The following C3orf18 variants were observed in gnomAD, a reference collection of about 807,000 sequenced individuals.
C3orf18 encodes uncharacterized protein C3orf18.
C3orf18 carries 12 observed loss-of-function variants against 14.1 expected under a neutral mutation model. The observed-to-expected ratio is 0.85, with a 90% CI of 0.55 to 1.38. The LOEUF is 1.38. Among genes scored for constraint, C3orf18 ranks in the 40% most tolerant of loss-of-function variants. The pLI is 0.00. For synonymous variants in C3orf18, 82 were observed against 87.9 expected, an observed-to-expected ratio of 0.93 and a Z score of 0.38; for missense variants, 196 against 213.9, an observed-to-expected ratio of 0.92 and a Z score of 0.52.
In C3orf18 at chr3:50,558,470, A is replaced by G. The variant is rs1699782892; in HGVS notation, c.*1187T>C. On this transcript the variant is annotated 3_prime_UTR_variant, in exon 6 of 6. Transcript: ENST00000357203. ...GCCAAGTGCAGGGACCCATCTCCCC[A>G]CTCTCTAAACACTGAACGGCTCTTC... is the stretch of plus-strand genomic sequence containing the variant. The G allele has an allele frequency of 5.8e-6, 2 of 342,798 alleles. No individual in the cohort carries two copies. The highest frequency in any genetic ancestry group is 1.1e-5 in the Non-Finnish European group (2 of 176,802). 21.2% of individuals were successfully genotyped at this position (342,798 alleles called of 1,614,324 possible).
At chr3:50,572,928 G>A (rs889928700), upstream of C3orf18, among the ~76,000 whole-genome samples, 4 of 152,146 alleles carry the variant, frequency 2.6e-5, no homozygotes, top group Non-Finnish European at 4.4e-5. Flanking sequence ...GTGAGAGCTG[G>A]TGGGCAAGCC....
At chr3:50,561,095 A>G (rs1699938527) in intron 4 of C3orf18, 31 bp from the exon 5 acceptor site, 1 of 1,604,034 alleles carries the variant, frequency 6.2e-7, no homozygotes. Context: ...TGCTGGGGAC[A>G]GGGCAGGCCC....
chr3:50,558,589 A>G lies in C3orf18; in HGVS notation c.*1068T>C, dbSNP rs1484493638. ...ATCCCTCACCCACTTTCAGGCAGTCATAACTGCCCCCTCTAGCCTGCAGCC... is the reference window on the plus strand; with the variant it reads ...ATCCCTCACCCACTTTCAGGCAGTCGTAACTGCCCCCTCTAGCCTGCAGCC... On this transcript the variant is annotated 3_prime_UTR_variant, in exon 6 of 6. Coordinates refer to ENST00000357203, the MANE Select transcript of C3orf18 (RefSeq NM_016210.5). 7 of 858,122 alleles carry G rather than the reference A, an allele frequency of 8.2e-6. No homozygotes were observed. The South Asian group carries it at 8.5e-5, about 10-fold the overall frequency. The allele number at this position is 858,122 out of a possible 1,614,324, so 53.2% of individuals were successfully genotyped here.
intron 3 of C3orf18, among the ~76,000 whole-genome samples, chr3:50,563,427 G>A (rs1164359506): frequency 2.0e-5 from 3 of 151,870 alleles, no homozygotes; most frequent in Admixed American, 1.3e-4. Flanking sequence ...GAACCTTTAC[G>A]CAATTTCCAT....
At chr3:50,571,618 A>G (rs1420867766), upstream of C3orf18, 1 of 1,200,112 alleles carries the variant, frequency 8.3e-7, no homozygotes, top group Non-Finnish European at 1.2e-6. Flanking sequence ...GGGCCTCCAG[A>G]CCAGTGCTGG....
At chr3:50,570,781 A>G (rs1390712489), upstream of C3orf18, 1 of 237,874 alleles carries the variant, frequency 4.2e-6, no homozygotes, top group African/African-American at 2.3e-5. Flanking sequence ...GTAAGTGGCC[A>G]AGACAAGAAT....
At chr3:50,562,194 G>A (rs773036627) in intron 3 of C3orf18, among the ~76,000 whole-genome samples, 8 of 152,174 alleles carry the variant, frequency 5.3e-5, no homozygotes, top group Non-Finnish European at 8.8e-5. Flanking sequence ...CACCACACTG[G>A]CCCCATGCCT....
upstream of C3orf18, among the ~76,000 whole-genome samples, chr3:50,574,344 C>T (rs553391651): frequency 6.6e-6 from 1 of 152,312 alleles, no homozygotes; most frequent in Admixed American, 6.5e-5. Context: ...TCTACCCCTG[C>T]CCCAGGTGGC....
upstream of C3orf18, chr3:50,572,223 A>G: frequency 2.5e-6 from 4 of 1,605,416 alleles, no homozygotes; most frequent in Non-Finnish European, 3.4e-6. Context: ...GTGTGCCACC[A>G]GGGCAAGGCA....
upstream of C3orf18, among the ~76,000 whole-genome samples, chr3:50,568,583 G>C (rs2107326761): frequency 6.6e-6 from 1 of 152,032 alleles, no homozygotes; most frequent in African/African-American, 2.4e-5. Context: ...AGAATTAGCC[G>C]GTCGTGTTGG....
At chr3:50,571,945 G>C, upstream of C3orf18, 2 of 1,290,354 alleles carry the variant, frequency 1.5e-6, no homozygotes, top group Non-Finnish European at 2.2e-6. Flanking sequence ...GTGGGGCCGG[G>C]GTACTGAATA....
chr3:50,559,069 C>T lies in C3orf18; in HGVS notation c.*588G>A, dbSNP rs934617318. 5.4e-6 allele frequency: 7 copies of T among 1,289,834 alleles called. No individual in the cohort carries two copies. The highest frequency in any genetic ancestry group is 7.1e-6 in the Non-Finnish European group (7 of 988,866). 79.9% of individuals were successfully genotyped at this position (1,289,834 alleles called of 1,614,324 possible). A position where few individuals can be genotyped will look rare whatever the true frequency, so the allele number is the denominator to read the frequency against. On this transcript the variant is annotated 3_prime_UTR_variant, in exon 6 of 6. Transcript: ENST00000357203. ...GGGTGGCTGGGAGACCTCCTGGACC[C>T]TCCGTAGTATGGATGGACCCTGGGT...
In C3orf18 at chr3:50,566,650, G is replaced by A. The variant is rs181479876; in HGVS notation, c.-251-556C>T. Among the ~76,000 whole-genome samples, 718 of 152,062 alleles carry A rather than the reference G, an allele frequency of 4.7e-3. 4 individuals carry two copies. The highest frequency in any genetic ancestry group is 7.5e-3 in the Non-Finnish European group (512 of 68,020). On this transcript the variant is annotated intron_variant, in intron 1 of 5. Transcript: ENST00000357203. ...TGTGGAAAGACCAGAAGACAAGAAG[G>A]AGAGAGAGGCTCTGGTTCTCTGGCG...
chr3:50,570,250 G>A (rs186320719), upstream of C3orf18: 31 of 152,296 alleles, frequency 2.0e-4, no homozygotes, highest in African/African-American at 6.7e-4. Context: ...ACGCTAGTTT[G>A]GACTTTTATC....
Position 50,565,121 on chromosome 3 carries a change from C to T in C3orf18, c.234+345G>A, listed in dbSNP as rs1327411950. 2.0e-5 allele frequency among the ~76,000 whole-genome samples: 3 copies of T among 152,182 alleles called. No homozygotes were observed. Among genetic ancestry groups the T allele is most frequent in the African/African-American group, 7.2e-5 (3 of 41,436 alleles). On this transcript the variant is annotated intron_variant, in intron 3 of 5. Transcript: ENST00000357203. This position sits in a 1 kb window ranked among gnomAD's most constrained non-coding sequence, Gnocchi z 4.4. ...GAGGCTCATGTCTGTAATCCCAGCA[C>T]TTTGGGAGGCCAACGGGGGCAGATC...
In C3orf18 at chr3:50,559,073, G is replaced by C; in HGVS notation, c.*584C>G. On this transcript the variant is annotated 3_prime_UTR_variant, in exon 6 of 6. Transcript: ENST00000357203. ...GGCTGGGAGACCTCCTGGACCCTCC[G>C]TAGTATGGATGGACCCTGGGTGTGA... is the stretch of plus-strand genomic sequence containing the variant. 3.9e-6 allele frequency: 5 copies of C among 1,289,794 alleles called. No homozygotes were observed. The highest frequency in any genetic ancestry group is 5.1e-6 in the Non-Finnish European group (5 of 988,860). 79.9% of individuals were successfully genotyped at this position (1,289,794 alleles called of 1,614,324 possible). A position where few individuals can be genotyped will look rare whatever the true frequency, so the allele number is the denominator to read the frequency against.
chr3:50,559,156 TCTCAGGGCC>T lies in C3orf18; in HGVS notation c.*492_*500del. The T allele has an allele frequency of 7.8e-7, 1 of 1,289,884 alleles. No individual in the cohort carries two copies. Among genetic ancestry groups the T allele is most frequent in the Non-Finnish European group, 1.0e-6 (1 of 988,932 alleles). 79.9% of individuals were successfully genotyped at this position (1,289,884 alleles called of 1,614,324 possible). A position where few individuals can be genotyped will look rare whatever the true frequency, so the allele number is the denominator to read the frequency against. On this transcript the variant is annotated 3_prime_UTR_variant, in exon 6 of 6. Transcript: ENST00000357203. ...ACAGTTTCAGCTCCATCTCTGGGCTTCTCAGGGCCCATAACAGATGCTGCCCTACCCTGT... is the reference window on the plus strand; with the variant it reads ...ACAGTTTCAGCTCCATCTCTGGGCTTCATAACAGATGCTGCCCTACCCTGT...
rs560093893 is a variant in C3orf18 at position 50,559,422 on chromosome 3, T to C, written c.*235A>G. ...CCTTCTCAGCATGAGGGATGCCCTC[T>C]GTGCCAGGGCCCTCAGGTCAGGAGA... On this transcript the variant is annotated 3_prime_UTR_variant, in exon 6 of 6. Transcript: ENST00000357203. 9.3e-6 allele frequency: 13 copies of C among 1,391,252 alleles called. No individual in the cohort carries two copies. The South Asian group carries it at 1.4e-4, about 15-fold the overall frequency. 86.2% of individuals were successfully genotyped at this position (1,391,252 alleles called of 1,614,324 possible). A position where few individuals can be genotyped will look rare whatever the true frequency, so the allele number is the denominator to read the frequency against.
chr3:50,571,916 G>T (rs1701011233), upstream of C3orf18: 14 of 1,322,384 alleles, frequency 1.1e-5, no homozygotes, highest in Non-Finnish European at 1.5e-5. Context: ...GGAGGTGTTG[G>T]GGTGCAGGAG....
Sources: allele counts gnomAD v4.1 joint callset (sites outside exome capture counted in the v4.1 genomes callset), GRCh38; gene constraint gnomAD v4.1.1; non-coding constraint Gnocchi (gnomAD v3.1); transcripts MANE v1.5; gene names NCBI Gene and HGNC (gene_info 2026-07-23, HGNC 2026-07-21).